Variants in TPO observed in about 807,000 individuals in gnomAD.
TPO encodes thyroid peroxidase, also known as thyroid microsomal antigen.
A neutral mutation model predicts 96.9 loss-of-function variants in TPO; 78 were observed. The observed-to-expected ratio is 0.81, with a 90% CI of 0.67 to 0.97. The LOEUF is 0.97. Among genes scored for constraint, TPO ranks in the 50% least tolerant of loss-of-function variants. The pLI is 0.00. For synonymous variants in TPO, 547 were observed against 538.0 expected (o/e 1.02, Z -0.23); for missense variants, 1,252 against 1,274.8 (o/e 0.98, Z 0.27).
intron 8 of TPO, among the ~76,000 whole-genome samples, chr2:1,478,877 A>G (rs1001390386): frequency 1.3e-5 from 2 of 151,506 alleles, no homozygotes; most frequent in Non-Finnish European, 2.9e-5. Context: ...AGACGAGCTC[A>G]CTGTCCTAAC....
chr2:1,477,223 G>T lies in TPO; in HGVS notation c.957G>T (p.Gly319=). 1 of 1,609,548 alleles carries T rather than the reference G, an allele frequency of 6.2e-7. No individual in the cohort carries two copies. Residue 319 remains glycine, a synonymous_variant, in exon 8 of 17, where the codon GGG becomes GGT. Coordinates refer to ENST00000329066, the MANE Select transcript of TPO (RefSeq NM_001206744.2). ...CCAACCCGCGGCAGCAGATGAACGGGTTGACCTCGTTCCTGGACGCGTCCA... is the reference window on the plus strand; with the variant it reads ...CCAACCCGCGGCAGCAGATGAACGGTTTGACCTCGTTCCTGGACGCGTCCA... ...STANPRQQMN[G]LTSFLDASTV... is the part of the protein sequence containing the mutation.
At chr2:1,435,197 T>C (rs1423489665) in intron 4 of TPO, among the ~76,000 whole-genome samples, 1 of 152,206 alleles carries the variant, frequency 6.6e-6, no homozygotes, top group Admixed American at 6.5e-5. Flanking sequence ...CCTCCCAAAG[T>C]GCTGGGATTA....
In TPO at chr2:1,464,695, C is replaced by T. The variant is rs144271076; in HGVS notation, c.819+8413C>T. 5.7e-3 allele frequency among the ~76,000 whole-genome samples: 874 copies of T among 152,168 alleles called. 15 individuals are homozygous for T. The highest frequency in any genetic ancestry group is 0.019 in the African/African-American group (807 of 41,516). ...ATATGTTTGTTGGCCATGTGTGTAT[C>T]TTCTTTTGAGAATTCTCTATTCATG... On this transcript the variant is annotated intron_variant, in intron 7 of 16. Transcript: ENST00000329066.
In TPO at chr2:1,517,004, T is replaced by C. The variant is rs370987163; in HGVS notation, c.2618+22T>C. On this transcript the variant is annotated intron_variant, in intron 15 of 16. Transcript: ENST00000329066. The stretch of plus-strand genomic sequence containing the variant: ...GGTGGTAAGTCCTTCACTTTTTGAC[T>C]GTTACTTAGACACAAAGCAATCTCC... 84 of 1,611,378 alleles carry C rather than the reference T, an allele frequency of 5.2e-5. No homozygotes were observed. In the African/African-American group the frequency reaches 1.1e-3, roughly 21 times the overall value.
At chr2:1,435,146 G>T (rs1448092239) in intron 4 of TPO, among the ~76,000 whole-genome samples, 2 of 152,138 alleles carry the variant, frequency 1.3e-5, no homozygotes, top group Non-Finnish European at 2.9e-5. Context: ...TGTTAGCCAG[G>T]ATGGTCTCGA....
chr2:1,508,992 A>T (rs1387532259), intron 14 of TPO, among the ~76,000 whole-genome samples: 3 of 152,142 alleles, frequency 2.0e-5, no homozygotes, highest in Non-Finnish European at 4.4e-5. Flanking sequence ...TGTCAATTTT[A>T]GATCTTTCCT....
intron 13 of TPO, among the ~76,000 whole-genome samples, chr2:1,503,255 CAG>C (rs1673053028): frequency 6.6e-6 from 1 of 152,214 alleles, no homozygotes; most frequent in South Asian, 2.1e-4. Flanking sequence ...TCCCTCCAGA[CAG>C]AGCAGCTCCT....
intron 7 of TPO, among the ~76,000 whole-genome samples, chr2:1,460,233 G>A (rs1045379812): frequency 3.3e-5 from 5 of 152,130 alleles, no homozygotes; most frequent in Non-Finnish European, 5.9e-5. Context: ...ACTGTGCCTG[G>A]CCCTAGTGTT....
At chr2:1,537,124 A>AATG (rs1679914175) in intron 15 of TPO, among the ~76,000 whole-genome samples, 1 of 63,640 alleles carries the variant, frequency 1.6e-5, no homozygotes, top group Non-Finnish European at 2.9e-5. Flanking sequence ...GATCCCCCCT[A>AATG]TGTGCAACCT....
At chr2:1,399,656 T>C (rs1662134646) in intron 1 of TPO, among the ~76,000 whole-genome samples, 1 of 152,230 alleles carries the variant, frequency 6.6e-6, no homozygotes, top group Non-Finnish European at 1.5e-5. Context: ...AGAGGCCCTG[T>C]TGCCCACCCT....
At chr2:1,385,036 C>A (rs1293787201) in intron 1 of TPO, among the ~76,000 whole-genome samples, 7 of 152,132 alleles carry the variant, frequency 4.6e-5, no homozygotes, top group Non-Finnish European at 1.0e-4. Flanking sequence ...GTATGTTGAA[C>A]CAGCCTTGCA....
intron 1 of TPO, among the ~76,000 whole-genome samples, chr2:1,398,066 C>A (rs888988031): frequency 6.6e-6 from 1 of 152,248 alleles, no homozygotes; most frequent in African/African-American, 2.4e-5. Context: ...CACTTCCAGA[C>A]AGTGAAGGAA....
At chr2:1,413,356 G>T (rs958928552), upstream of TPO, 11 of 152,112 alleles carry the variant, frequency 7.2e-5, no homozygotes, top group Non-Finnish European at 2.9e-5. Flanking sequence ...AACAAAGCCC[G>T]CAGACATTCT....
chr2:1,407,367 A>T (rs1380191802), intron 1 of TPO, among the ~76,000 whole-genome samples: 1 of 152,156 alleles, frequency 6.6e-6, no homozygotes, highest in Non-Finnish European at 1.5e-5. Context: ...GGGGTGTGTT[A>T]TGGGGCTTGT....
chr2:1,502,451 G>A (rs1011802337), intron 13 of TPO, among the ~76,000 whole-genome samples: 1 of 152,012 alleles, frequency 6.6e-6, no homozygotes, highest in East Asian at 1.9e-4. Flanking sequence ...GTGCAGTGCC[G>A]CAATCTCTGC....
chr2:1,402,886 C>T (rs986785199), intron 1 of TPO, among the ~76,000 whole-genome samples: 13 of 152,276 alleles, frequency 8.5e-5, no homozygotes, highest in Middle Eastern at 3.4e-3. Context: ...GGAAACTGAG[C>T]GCCAGTTTGT....
At chr2:1,541,844 G>T (rs903298219) in intron 16 of TPO, 1 of 154,632 alleles carries the variant, frequency 6.5e-6, no homozygotes, top group Admixed American at 6.3e-5. Flanking sequence ...GGGGGGCATT[G>T]CCAACATGAT....
intron 1 of TPO, among the ~76,000 whole-genome samples, chr2:1,385,740 T>A (rs201769767): frequency 1.3e-5 from 2 of 152,188 alleles, no homozygotes; most frequent in Admixed American, 1.3e-4. Context: ...CTTAGTTATT[T>A]CTTGGCTTCT....
At chr2:1,459,417 TG>T in intron 7 of TPO, among the ~76,000 whole-genome samples, 2 of 152,310 alleles carry the variant, frequency 1.3e-5, no homozygotes, top group Middle Eastern at 6.8e-3. Flanking sequence ...CTCAAAGTGC[TG>T]GGATTACAGG....
Sources: allele counts gnomAD v4.1 joint callset (sites outside exome capture counted in the v4.1 genomes callset), GRCh38; gene constraint gnomAD v4.1.1; transcripts MANE v1.5; gene names NCBI Gene and HGNC (gene_info 2026-07-23, HGNC 2026-07-21).